The following PRMT3 variants were observed in gnomAD, a reference collection of about 807,000 sequenced individuals.
PRMT3 encodes protein arginine methyltransferase 3.
In PRMT3, 62 loss-of-function variants were observed where a neutral mutation model predicts 71.9. The observed-to-expected ratio is 0.86, with a 90% CI of 0.70 to 1.07. The LOEUF (loss-of-function observed/expected upper bound fraction) is 1.07, where lower values mean the gene tolerates loss of function less well. Among genes scored for constraint, PRMT3 ranks in the 50% least tolerant of loss-of-function variants. PRMT3 has a pLI of 0.00. For synonymous variants in PRMT3, 213 were observed against 220.4 expected, an observed-to-expected ratio of 0.97 and a Z score of 0.30; for missense variants, 663 against 643.0, an observed-to-expected ratio of 1.03 and a Z score of -0.34.
rs753927636 is a variant in PRMT3 at position 20,494,169 on chromosome 11, C to T, written c.1401C>T (p.Val467=). ...ACCTTTGAACTTTACCAATTCAGGT[C>T]GTGTTCTCTACGGGCCCTCAGAGCA... ...IYFEKNCHNR[V]VFSTGPQSTK... The change falls in exon 15 of 16, where the codon GTC becomes GTT. Residue 467 remains valine, a splice_region_variant and synonymous_variant. Transcript: ENST00000331079. 7 of 1,601,712 alleles carry T rather than the reference C, an allele frequency of 4.4e-6. No homozygotes were observed. The highest frequency in any genetic ancestry group is 2.2e-5 in the East Asian group (1 of 44,800).
chr11:20,418,903 C>A (rs1849367022), intron 9 of PRMT3, among the ~76,000 whole-genome samples: 1 of 152,064 alleles, frequency 6.6e-6, no homozygotes, highest in Admixed American at 6.6e-5. Context: ...TAACCATCAC[C>A]CAGGCCAAGA....
intron 11 of PRMT3, among the ~76,000 whole-genome samples, chr11:20,461,451 A>G (rs944657090): frequency 1.3e-5 from 2 of 152,214 alleles, no homozygotes; most frequent in Non-Finnish European, 2.9e-5. Flanking sequence ...ATATGTGTCC[A>G]TAGTCTGTAA....
chr11:20,464,706 G>A (rs1366337096), intron 13 of PRMT3, among the ~76,000 whole-genome samples, 160 bp downstream of exon 13: 4 of 152,108 alleles, frequency 2.6e-5, no homozygotes, highest in Middle Eastern at 3.2e-3. Flanking sequence ...TGGTTAATAG[G>A]TCAGTAAACT....
intron 10 of PRMT3, among the ~76,000 whole-genome samples, chr11:20,429,425 T>C (rs1849610071): frequency 6.6e-6 from 1 of 152,178 alleles, no homozygotes; most frequent in Non-Finnish European, 1.5e-5. Flanking sequence ...TACCCATCCC[T>C]GGCTTGGGGG....
chr11:20,489,119 C>G (rs912209564), intron 13 of PRMT3, among the ~76,000 whole-genome samples: 8 of 152,130 alleles, frequency 5.3e-5, no homozygotes, highest in African/African-American at 2.4e-5. Flanking sequence ...TCCTTTCATT[C>G]TGTTTTCTTC....
intron 13 of PRMT3, among the ~76,000 whole-genome samples, chr11:20,477,507 C>T (rs199852873): frequency 6.6e-6 from 1 of 151,670 alleles, no homozygotes; most frequent in East Asian, 1.9e-4. Context: ...AATGAGCCGA[C>T]ATAGCACCAC....
intron 10 of PRMT3, among the ~76,000 whole-genome samples, chr11:20,439,853 G>A (rs1849846638): frequency 1.3e-5 from 2 of 152,092 alleles, no homozygotes; most frequent in South Asian, 4.1e-4. Context: ...AAGGTGGGAG[G>A]ACTTTGTGTA....
At chr11:20,391,252 G>C (rs1239231905) in intron 3 of PRMT3, among the ~76,000 whole-genome samples, 1 of 147,874 alleles carries the variant, frequency 6.8e-6, no homozygotes, top group Non-Finnish European at 1.5e-5. Flanking sequence ...TTTTGTTTTT[G>C]TTTTTTTTTT....
At chr11:20,498,634 G>T (rs1358431291) in intron 15 of PRMT3, among the ~76,000 whole-genome samples, 1 of 152,118 alleles carries the variant, frequency 6.6e-6, no homozygotes, top group Non-Finnish European at 1.5e-5. Flanking sequence ...GGAGGCCGAG[G>T]CACAAGAATT....
Position 20,455,328 on chromosome 11 carries a change from CTT to C in PRMT3, c.1072+3121_1072+3122del, listed in dbSNP as rs141596761. Among the ~76,000 whole-genome samples, 970 of 152,124 alleles carry C rather than the reference CTT, an allele frequency of 6.4e-3. 8 individuals carry two copies. The highest frequency in any genetic ancestry group is 0.023 in the African/African-American group (942 of 41,518). ...ATTGCTTTATCTTTAATAATAGAAA[CTT>C]AAAGAATATTATTTAAAGCTGATGG... On this transcript the variant is annotated intron_variant, in intron 11 of 15. Coordinates refer to ENST00000331079, the MANE Select transcript of PRMT3 (RefSeq NM_005788.4).
chr11:20,491,959 A>G (rs1313732801), intron 13 of PRMT3, among the ~76,000 whole-genome samples: 1 of 152,212 alleles, frequency 6.6e-6, no homozygotes, highest in Non-Finnish European at 1.5e-5. Context: ...TTAATAAAGT[A>G]TACTGACTAT....
intron 15 of PRMT3, among the ~76,000 whole-genome samples, chr11:20,504,436 G>A (rs1474729712): frequency 6.6e-6 from 1 of 151,934 alleles, no homozygotes; most frequent in Non-Finnish European, 1.5e-5. Context: ...CAGTTGTTTT[G>A]GCTATTCTAG....
At chr11:20,462,406 T>G (rs1473307277) in intron 12 of PRMT3, among the ~76,000 whole-genome samples, 1 of 152,182 alleles carries the variant, frequency 6.6e-6, no homozygotes, top group Non-Finnish European at 1.5e-5. Context: ...CAAATCTAAC[T>G]CTGAACCGGT....
intron 13 of PRMT3, among the ~76,000 whole-genome samples, chr11:20,474,845 T>C (rs142070988): frequency 6.6e-6 from 1 of 152,362 alleles, no homozygotes; most frequent in Non-Finnish European, 1.5e-5. Context: ...TTTATGTCTT[T>C]TATGCAGCTT....
intron 2 of PRMT3, 25 bp from the exon 3 acceptor site, chr11:20,389,719 A>G: frequency 1.3e-6 from 2 of 1,536,096 alleles, no homozygotes; most frequent in Non-Finnish European, 1.8e-6. Context: ...GGACTATTCC[A>G]TGAAGCTATT....
intron 13 of PRMT3, among the ~76,000 whole-genome samples, chr11:20,475,982 C>T (rs1850773009): frequency 1.3e-5 from 2 of 151,698 alleles, no homozygotes; most frequent in Non-Finnish European, 2.9e-5. Context: ...TAAATCTTTA[C>T]ATTAACAGAT....
intron 10 of PRMT3, among the ~76,000 whole-genome samples, chr11:20,449,017 A>G (rs1338644372): frequency 1.3e-5 from 2 of 152,098 alleles, no homozygotes; most frequent in Non-Finnish European, 2.9e-5. Flanking sequence ...GTAATAAATG[A>G]CTTGGTTCAG....
intron 13 of PRMT3, among the ~76,000 whole-genome samples, chr11:20,477,643 T>C (rs564582087): frequency 4.6e-5 from 7 of 152,356 alleles, no homozygotes; most frequent in Admixed American, 3.9e-4. Flanking sequence ...TTCATTGATA[T>C]ATCTGTTGTT....
At position 20,493,933 on chromosome 11, in the gene PRMT3, C is replaced by T. The variant is rs1410838205; in HGVS notation, c.1362C>T (p.Tyr454=). Residue 454 remains tyrosine (Y), a synonymous_variant, in exon 14 of 16, where the codon TAC becomes TAT. Transcript: ENST00000331079. ...RTSMCTAIAG[Y]FDIYFEKNCH... is the part of the protein sequence containing the mutation. ...TTAAAAAACAGGCAATTGCTGGCTA[C>T]TTTGATATATATTTTGAGAAGAATT... The T allele has an allele frequency of 5.0e-6, 8 of 1,587,986 alleles. No homozygotes were observed. Among genetic ancestry groups the T allele is most frequent in the Non-Finnish European group, 6.9e-6 (8 of 1,161,934 alleles).
Sources: allele counts gnomAD v4.1 joint callset (sites outside exome capture counted in the v4.1 genomes callset), GRCh38; gene constraint gnomAD v4.1.1; transcripts MANE v1.5; gene names NCBI Gene and HGNC (gene_info 2026-07-23, HGNC 2026-07-21).